The following PEX11G variants were observed in gnomAD, a reference collection of about 807,000 sequenced individuals.
PEX11G encodes the protein peroxisomal biogenesis factor 11 gamma.
A neutral mutation model predicts 22.5 loss-of-function variants in PEX11G; 20 were observed. The ratio of observed to expected loss-of-function variants is 0.89; its 90% CI spans 0.62 to 1.29. The LOEUF is 1.29. Among genes scored for constraint, PEX11G ranks in the 50% most tolerant of loss-of-function variants. PEX11G has a pLI of 0.00. For missense variants in PEX11G, 347 were observed against 331.3 expected, an observed-to-expected ratio of 1.05 and a Z score of -0.37; for synonymous variants, 141 against 154.5, an observed-to-expected ratio of 0.91 and a Z score of 0.65.
intron 2 of PEX11G, among the ~76,000 whole-genome samples, chr19:7,483,873 G>C (rs1977621381): frequency 6.6e-6 from 1 of 152,186 alleles, no homozygotes; most frequent in African/African-American, 2.4e-5. Flanking sequence ...GGGCAAGATG[G>C]CTCTCTAGAT....
In PEX11G at chr19:7,489,004, A is replaced by G. The variant is rs1202099475; in HGVS notation, c.7T>C (p.Ser3Pro). 2 of 1,539,648 alleles carry G rather than the reference A, an allele frequency of 1.3e-6. No homozygotes were observed. Among genetic ancestry groups the G allele is most frequent in the Non-Finnish European group, 1.7e-6 (2 of 1,146,406 alleles). The part of the protein sequence containing the change: MA[S>P]LSGLASALES... ...AGCGCCGACGCCAGGCCGCTCAGCG[A>G]CGCCATGGCAACTCCGTGACGTCAC... Residue 3 changes from serine (S) to proline (P), a missense_variant, in exon 1 of 5, where the codon TCG (serine) becomes CCG (proline). By Grantham distance (74) the Ser-to-Pro change is moderately conservative. Coordinates refer to ENST00000221480, the MANE Select transcript of PEX11G (RefSeq NM_080662.4).
rs190732716 is a variant in PEX11G, at chr19:7,477,489, C to T, written c.492-53G>A. On this transcript the variant is annotated intron_variant, in intron 4 of 4. Coordinates refer to ENST00000221480, the MANE Select transcript of PEX11G (RefSeq NM_080662.4). ...CTCACGCTCACACCTGCCTGCCCTT[C>T]CCAAGCCCCTGAATGCCCTGTGTGG... The T allele has an allele frequency of 3.9e-4, 520 of 1,341,038 alleles. 1 individual carries two copies. The African/African-American group carries it at 6.3e-3, about 16-fold the overall frequency. 83.1% of individuals were successfully genotyped at this position (1,341,038 alleles called of 1,614,324 possible).
At chr19:7,478,791 G>T (rs1470417081) in intron 3 of PEX11G, among the ~76,000 whole-genome samples, 1 of 152,234 alleles carries the variant, frequency 6.6e-6, no homozygotes, top group Non-Finnish European at 1.5e-5. Flanking sequence ...TGTCTGCTCT[G>T]TGTGGAAAGG....
intron 2 of PEX11G, among the ~76,000 whole-genome samples, chr19:7,484,973 A>G (rs2021569742): frequency 6.6e-6 from 1 of 152,162 alleles, no homozygotes; most frequent in South Asian, 2.1e-4. Flanking sequence ...AAAGTAATAA[A>G]CTACCCACGC....
intron 1 of PEX11G, 110 bp from the exon 2 acceptor site, chr19:7,486,136 C>T (rs2021645518): frequency 2.3e-6 from 2 of 858,752 alleles, no homozygotes; most frequent in Non-Finnish European, 1.7e-6. Flanking sequence ...GGAAGATTCT[C>T]TTTTTTTTTT....
intron 2 of PEX11G, among the ~76,000 whole-genome samples, chr19:7,484,222 G>T (rs1229921914): frequency 6.6e-6 from 1 of 151,932 alleles, no homozygotes; most frequent in African/African-American, 2.4e-5. Context: ...CAGGTGTGGT[G>T]GTGCACCTGC....
At chr19:7,491,606 T>C (rs1208758502), upstream of PEX11G, among the ~76,000 whole-genome samples, 1 of 151,938 alleles carries the variant, frequency 6.6e-6, no homozygotes, top group East Asian at 1.9e-4. Context: ...ATACAATATG[T>C]GACCATTTGT....
At position 7,477,324 on chromosome 19, in the gene PEX11G, C is replaced by G. The variant is rs768239298; in HGVS notation, c.604G>C (p.Gly202Arg). 4 of 1,559,490 alleles carry G rather than the reference C, an allele frequency of 2.6e-6. No homozygotes were observed. Among genetic ancestry groups the G allele is most frequent in the Non-Finnish European group, 3.5e-6 (4 of 1,153,774 alleles). Residue 202 changes from glycine to arginine, a missense_variant, in exon 5 of 5, where the codon GGC (glycine) becomes CGC (arginine). Coordinates refer to ENST00000221480, the MANE Select transcript of PEX11G (RefSeq NM_080662.4). ...GGGAAGCGGCCGGCCCACAGCACGC[C>G]CCGGGGCAGCCAGTGCACGGCGTTG... ...LANAVHWLPR[G>R]VLWAGRFPPW...
Position 7,477,229 on chromosome 19 carries a change from G to A in PEX11G, c.699C>T (p.Gly233=), listed in dbSNP as rs376907856. The change falls in exon 5 of 5, where the codon GGC becomes GGT. Residue 233 remains glycine (G), a synonymous_variant. Transcript: ENST00000221480. ...ILSMYQAARA[G]GQAEATTP ...AGGGGGTAGTGGCCTCGGCCTGGCC[G>A]CCGGCCCGGGCCGCCTGGTACATGC... 18 of 1,527,670 alleles carry A rather than the reference G, an allele frequency of 1.2e-5. 1 individual carries two copies. The highest frequency in any genetic ancestry group is 6.7e-5 in the Admixed American group (3 of 44,664). 94.6% of individuals were successfully genotyped at this position (1,527,670 alleles called of 1,614,324 possible). A position where few individuals can be genotyped will look rare whatever the true frequency, so the allele number is the denominator to read the frequency against.
intron 2 of PEX11G, among the ~76,000 whole-genome samples, chr19:7,482,792 T>A (rs1334275022): frequency 6.6e-6 from 1 of 152,232 alleles, no homozygotes; most frequent in Non-Finnish European, 1.5e-5. Context: ...GCAAGGCTCA[T>A]GGCCTCCCTC....
intron 3 of PEX11G, among the ~76,000 whole-genome samples, chr19:7,479,601 A>G (rs995211308): frequency 2.0e-5 from 3 of 152,236 alleles, no homozygotes; most frequent in East Asian, 3.8e-4. Context: ...ATGAGCACAC[A>G]TGGAATGCTC....
intron 2 of PEX11G, among the ~76,000 whole-genome samples, chr19:7,483,060 C>T (rs1312769813): frequency 1.3e-5 from 2 of 151,744 alleles, no homozygotes; most frequent in African/African-American, 2.4e-5. Context: ...AACCGGGGGA[C>T]CCGCCCCCTT....
Position 7,483,683 on chromosome 19 carries a change from A to G in PEX11G, c.250-1472T>C, listed in dbSNP as rs183053248. The stretch of plus-strand genomic sequence containing the variant: ...GCAACACTTATGATATAGGATGATC[A>G]GGCCAAGGACACGTGGTGCTGAACA... On this transcript the variant is annotated intron_variant, in intron 2 of 4. Transcript: ENST00000221480. Among the ~76,000 whole-genome samples, 33 of 152,306 alleles carry G rather than the reference A, an allele frequency of 2.2e-4. No homozygotes were observed. In the East Asian group the frequency reaches 6.0e-3, roughly 28 times the overall value.
At chr19:7,492,138 T>C (rs1438864704), upstream of PEX11G, among the ~76,000 whole-genome samples, 1 of 152,178 alleles carries the variant, frequency 6.6e-6, no homozygotes, top group African/African-American at 2.4e-5. Context: ...CTATAAACAT[T>C]TGTGAATATG....
intron 1 of PEX11G, among the ~76,000 whole-genome samples, chr19:7,488,740 T>G (rs368352378): frequency 5.9e-5 from 9 of 152,356 alleles, no homozygotes; most frequent in East Asian, 5.8e-4. Context: ...AAGCGGAGGC[T>G]GCAGTGAGCA....
chr19:7,494,279 C>A (rs1599230070), intron 1 of PEX11G, among the ~76,000 whole-genome samples: 1 of 152,006 alleles, frequency 6.6e-6, no homozygotes, highest in East Asian at 1.9e-4. Flanking sequence ...GTGGTCCCAG[C>A]TACTCAGGAG....
At chr19:7,478,252 G>A (rs538223550) in intron 4 of PEX11G, 62 bp downstream of exon 4, 1 of 1,557,426 alleles carries the variant, frequency 6.4e-7, no homozygotes, top group Non-Finnish European at 8.7e-7. Flanking sequence ...GTGGCTGCGA[G>A]CCGGGATCCC....
upstream of PEX11G, among the ~76,000 whole-genome samples, chr19:7,491,964 A>T (rs951124159): frequency 1.3e-5 from 2 of 152,156 alleles, no homozygotes; most frequent in African/African-American, 4.8e-5. Context: ...AGCTGAGCAT[A>T]ATGGTGTTGA....
At chr19:7,479,571 AG>A (rs1403687563) in intron 3 of PEX11G, among the ~76,000 whole-genome samples, 63 of 152,364 alleles carry the variant, frequency 4.1e-4, no homozygotes, top group African/African-American at 1.5e-3. Context: ...CCTGGGCCTT[AG>A]GGCAGATGTC....
Sources: allele counts gnomAD v4.1 joint callset (sites outside exome capture counted in the v4.1 genomes callset), GRCh38; gene constraint gnomAD v4.1.1; transcripts MANE v1.5; gene names NCBI Gene and HGNC (gene_info 2026-07-23, HGNC 2026-07-21).